The following SPAG16 variants were observed in gnomAD, a reference collection of about 807,000 sequenced individuals.
The protein encoded by SPAG16 is sperm-associated antigen 16 protein.
A neutral mutation model predicts 80.4 loss-of-function variants in SPAG16; 86 were observed. That is an observed-to-expected ratio of 1.07 (90% confidence interval 0.90 to 1.28). The LOEUF (loss-of-function observed/expected upper bound fraction) is 1.28. SPAG16 is among the 50% of genes most tolerant of loss of function. SPAG16 has a pLI of 0.00. For missense variants in SPAG16, 870 were observed against 765.3 expected, an observed-to-expected ratio of 1.14 and a Z score of -1.61; for synonymous variants, 294 against 265.9, an observed-to-expected ratio of 1.11 and a Z score of -1.03.
chr2:213,755,971 T>C (rs569058243), intron 10 of SPAG16, among the ~76,000 whole-genome samples: 59 of 152,168 alleles, frequency 3.9e-4, no homozygotes, highest in Non-Finnish European at 6.8e-4. Context: ...TATACCTATA[T>C]ATGAAAATCC....
rs59910884 is a variant in SPAG16, at chr2:214,143,234, G to GTTTTTTTTTTTTTTTTTTTTTTGT, written c.1594-5885_1594-5884insTGTTTTTTTTTTTTTTTTTTTTTT. On this transcript the variant is annotated intron_variant, in intron 14 of 15. Transcript: ENST00000331683. ...ATCACCTATTCCATCATAGTTTTGG[G>GTTTTTTTTTTTTTTTTTTTTTTGT]TTTTTTTTTTTTTTTTTTTTTGGTT... 5.3e-5 allele frequency among the ~76,000 whole-genome samples: 6 copies of GTTTTTTTTTTTTTTTTTTTTTTGT among 112,702 alleles called. 1 individual carries two copies. The highest frequency in any genetic ancestry group is 2.7e-4 in the East Asian group (1 of 3,758). 73.9% of individuals were successfully genotyped at this position (112,702 alleles called of 152,430 possible).
chr2:214,187,632 A>G (rs190322345), intron 15 of SPAG16, among the ~76,000 whole-genome samples: 14 of 152,104 alleles, frequency 9.2e-5, no homozygotes, highest in African/African-American at 3.4e-4. Context: ...AGCAGAAGAC[A>G]GCAAGGAAGA....
intron 9 of SPAG16, among the ~76,000 whole-genome samples, chr2:213,469,502 G>T (rs1005885788): frequency 6.7e-6 from 1 of 150,322 alleles, no homozygotes; most frequent in Non-Finnish European, 1.5e-5. Context: ...GTCATAGCTG[G>T]TATTGATGAC....
intron 9 of SPAG16, among the ~76,000 whole-genome samples, chr2:213,441,961 A>G (rs1339436699): frequency 6.6e-6 from 1 of 152,238 alleles, no homozygotes; most frequent in Non-Finnish European, 1.5e-5. Context: ...AGCCTGGCCA[A>G]CATGGCAAAA....
At chr2:214,157,438 C>T (rs2056264348) in intron 15 of SPAG16, among the ~76,000 whole-genome samples, 1 of 151,974 alleles carries the variant, frequency 6.6e-6, no homozygotes, top group Non-Finnish European at 1.5e-5. Context: ...TTGATTTTGT[C>T]TTCTTATCCC....
At chr2:213,723,269 A>C (rs1295240136) in intron 10 of SPAG16, among the ~76,000 whole-genome samples, 2 of 152,070 alleles carry the variant, frequency 1.3e-5, no homozygotes, top group African/African-American at 4.8e-5. Flanking sequence ...TGGCCAGCTT[A>C]GCCTCTCTGG....
At chr2:214,165,468 CCTTTTTTTTT>C in intron 15 of SPAG16, among the ~76,000 whole-genome samples, 2 of 77,960 alleles carry the variant, frequency 2.6e-5, no homozygotes, top group Admixed American at 1.8e-4. Flanking sequence ...GCATCACCAT[CCTTTTTTTTT>C]TTTTTTTTTT....
intron 15 of SPAG16, among the ~76,000 whole-genome samples, chr2:214,395,980 G>T (rs1701344663): frequency 6.6e-6 from 1 of 152,110 alleles, no homozygotes; most frequent in Admixed American, 6.6e-5. Flanking sequence ...GAATAGTGCT[G>T]CAATGAACAC....
intron 10 of SPAG16, among the ~76,000 whole-genome samples, chr2:213,589,599 G>A (rs1455817283): frequency 6.6e-6 from 1 of 152,026 alleles, no homozygotes; most frequent in Non-Finnish European, 1.5e-5. Context: ...CTTCCCTAGA[G>A]AACGCCACCG....
At chr2:213,514,618 T>A (rs1478920814) in intron 10 of SPAG16, among the ~76,000 whole-genome samples, 2 of 70,584 alleles carry the variant, frequency 2.8e-5, no homozygotes, top group African/African-American at 5.7e-5. Flanking sequence ...CCCTCCCCCC[T>A]CCCCCCACCC....
chr2:214,215,806 T>C (rs2058417513), intron 15 of SPAG16, among the ~76,000 whole-genome samples: 1 of 152,230 alleles, frequency 6.6e-6, no homozygotes, highest in Admixed American at 6.5e-5. Context: ...AATCTGTCAA[T>C]ATTGTCAAAC....
At chr2:214,250,733 GATATATAT>G (rs59644776) in intron 15 of SPAG16, among the ~76,000 whole-genome samples, 128 of 112,338 alleles carry the variant, frequency 1.1e-3, no homozygotes, top group South Asian at 2.6e-3. Context: ...GGAGCTTTGA[GATATATAT>G]ATATATATAT....
intron 11 of SPAG16, among the ~76,000 whole-genome samples, chr2:213,874,790 T>G (rs1559929): frequency 0.59 from 90,289 of 151,820 alleles, 28,730 homozygotes; most frequent in South Asian, 0.85. Flanking sequence ...GAGGGAGGGA[T>G]TGTGGGGACT....
intron 13 of SPAG16, among the ~76,000 whole-genome samples, chr2:214,064,756 A>G (rs1168405504): frequency 1.3e-5 from 2 of 152,110 alleles, no homozygotes; most frequent in Non-Finnish European, 2.9e-5. Context: ...ATTAAACAGA[A>G]TTCTGTAAAT....
At chr2:214,361,249 ATAT>A (rs1246666680) in intron 15 of SPAG16, among the ~76,000 whole-genome samples, 2 of 151,818 alleles carry the variant, frequency 1.3e-5, no homozygotes, top group East Asian at 3.8e-4. Flanking sequence ...CAATAATTTA[ATAT>A]TAATCGGTAA....
chr2:214,253,792 C>A (rs1475964725), intron 15 of SPAG16, among the ~76,000 whole-genome samples: 1 of 151,976 alleles, frequency 6.6e-6, no homozygotes, highest in Non-Finnish European at 1.5e-5. Flanking sequence ...TGCAAGCTCT[C>A]TTTTGGGTCT....
chr2:214,393,863 C>A (rs1701219448), intron 15 of SPAG16, among the ~76,000 whole-genome samples: 1 of 152,110 alleles, frequency 6.6e-6, no homozygotes, highest in Non-Finnish European at 1.5e-5. Context: ...TGAAGAGACT[C>A]CTAATTTAGA....
At chr2:214,082,112 G>A (rs1050021993) in intron 13 of SPAG16, among the ~76,000 whole-genome samples, 1 of 151,934 alleles carries the variant, frequency 6.6e-6, no homozygotes, top group African/African-American at 2.4e-5. Context: ...CTTGCCCCTC[G>A]CTTTTGGCTT....
chr2:214,151,437 GA>G (rs200718536), intron 15 of SPAG16, among the ~76,000 whole-genome samples: 2,093 of 151,374 alleles, frequency 0.014, 43 homozygotes, highest in African/African-American at 0.047. Context: ...ATTTATTCAG[GA>G]AAAAAAATGA....
Sources: gnomAD v4.1 joint callset for allele counts (sites outside exome capture counted in the v4.1 genomes callset) on GRCh38, gnomAD v4.1.1 for gene constraint, MANE v1.5 for transcripts, NCBI Gene and HGNC (gene_info 2026-07-23, HGNC 2026-07-21) for gene names.